Variants in LYG2 observed in about 807,000 individuals in gnomAD.
LYG2 encodes lysozyme g2, also known as lysozyme g-like protein 2.
LYG2 carries 25 observed loss-of-function variants against 22.4 expected under a neutral mutation model. The observed-to-expected ratio is 1.12, with a 90% CI of 0.81 to 1.56. The LOEUF is 1.56. Ranked by LOEUF, LYG2 falls within the 40% of genes most tolerant of loss-of-function variation. The pLI, the probability that LYG2 is intolerant of heterozygous loss-of-function variation, is 0.00. For missense variants in LYG2, 266 were observed against 269.5 expected (o/e 0.99, Z 0.09); for synonymous variants, 88 against 97.0 (o/e 0.91, Z 0.55).
intron 3 of LYG2, among the ~76,000 whole-genome samples, chr2:99,253,968 G>C (rs1030215415): frequency 6.6e-6 from 1 of 152,116 alleles, no homozygotes; most frequent in Non-Finnish European, 1.5e-5. Flanking sequence ...TAGGTGCATT[G>C]TCAGACAGGA....
intron 3 of LYG2, among the ~76,000 whole-genome samples, chr2:99,250,769 G>C (rs1295802784): frequency 6.6e-6 from 1 of 152,222 alleles, no homozygotes; most frequent in Non-Finnish European, 1.5e-5. Context: ...ACACATTGCT[G>C]TGGAACACAG....
chr2:99,253,728 T>C (rs987250515), intron 3 of LYG2, among the ~76,000 whole-genome samples: 20 of 152,178 alleles, frequency 1.3e-4, no homozygotes, highest in African/African-American at 4.3e-4. Context: ...CTTTTTCTTA[T>C]TAAATCACCA....
intron 3 of LYG2, among the ~76,000 whole-genome samples, chr2:99,248,175 G>A (rs868827667): frequency 0.023 from 3,476 of 152,112 alleles, 77 homozygotes; most frequent in African/African-American, 0.068. Context: ...TCAGTGTGGC[G>A]ATTCCTCAGG....
chr2:99,247,183 C>A (rs182890080), intron 3 of LYG2, among the ~76,000 whole-genome samples: 50 of 152,174 alleles, frequency 3.3e-4, no homozygotes, highest in Admixed American at 1.3e-3. Flanking sequence ...GGCACCAACA[C>A]CTGGGCTCAA....
In LYG2 at chr2:99,245,299, C is replaced by A; in HGVS notation, c.344G>T (p.Gly115Val). ...ESHGGSVLQD[G>V]WDHRGLKFGL... ...AAATTTAAGTCCCCTGTGGTCCCAG[C>A]CGTCTTGCAGGACAGATCCGCCATG... Residue 115 changes from glycine (G) to valine (V), a missense_variant, in exon 5 of 7, where the codon GGC (glycine) becomes GTC (valine). By Grantham distance (109) the Gly-to-Val change is moderately radical. Coordinates refer to ENST00000333017, the MANE Select transcript of LYG2 (RefSeq NM_175735.4). The A allele has an allele frequency of 1.2e-6, 2 of 1,609,044 alleles. No homozygotes were observed. Among genetic ancestry groups the A allele is most frequent in the Non-Finnish European group, 1.7e-6 (2 of 1,177,492 alleles).
In LYG2 at chr2:99,244,090, C is replaced by T. The variant is rs150761691; in HGVS notation, c.429G>A (p.Glu143=). 463 of 1,613,990 alleles carry T rather than the reference C, an allele frequency of 2.9e-4. 1 individual carries two copies. Among genetic ancestry groups the T allele is most frequent in the Admixed American group, 1.2e-3 (71 of 60,000 alleles). ...GAATCCCAGTAGCCTGTGAAAGGTG[C>T]TCTTTGCTATCCCAGGCACCGACAG... The part of the protein sequence containing the change: ...YHPVGAWDSK[E]HLSQATGILT... Residue 143 remains glutamate (E), a synonymous_variant, in exon 6 of 7, where the codon GAG becomes GAA. Coordinates refer to ENST00000333017, the MANE Select transcript of LYG2 (RefSeq NM_175735.4).
chr2:99,260,570 T>A (rs1053532200), upstream of LYG2, among the ~76,000 whole-genome samples: 4 of 152,178 alleles, frequency 2.6e-5, no homozygotes, highest in Non-Finnish European at 5.9e-5. Context: ...ATACCTGTGA[T>A]GGAGAGAAGA....
chr2:99,249,264 A>G (rs1053096606), intron 3 of LYG2, among the ~76,000 whole-genome samples: 1 of 152,132 alleles, frequency 6.6e-6, no homozygotes, highest in Non-Finnish European at 1.5e-5. Flanking sequence ...TACAAAAAAT[A>G]CAAAAATTAG....
At chr2:99,246,594 C>T in intron 4 of LYG2, 86 bp downstream of exon 4, 1 of 1,475,608 alleles carries the variant, frequency 6.8e-7, no homozygotes, top group African/African-American at 1.4e-5. Flanking sequence ...GATGATTATA[C>T]CTTTTCAAAA....
intron 3 of LYG2, among the ~76,000 whole-genome samples, chr2:99,248,940 C>G (rs2094021699): frequency 6.6e-6 from 1 of 152,006 alleles, no homozygotes; most frequent in African/African-American, 2.4e-5. Context: ...TAATTTAAGT[C>G]AAATCTATTC....
intron 3 of LYG2, among the ~76,000 whole-genome samples, chr2:99,251,754 T>C (rs192354219): frequency 0.014 from 2,120 of 152,198 alleles, 56 homozygotes; most frequent in African/African-American, 0.048. Flanking sequence ...GCTGATTGCC[T>C]GCCTGGGGCA....
intron 6 of LYG2, chr2:99,243,540 A>AGATAGAT (rs397949807): frequency 4.9e-5 from 72 of 1,460,658 alleles, no homozygotes; most frequent in East Asian, 7.5e-5. Flanking sequence ...ATAGATAGAT[A>AGATAGAT]AATTTTTTTT....
At chr2:99,254,812 T>C (rs1326677493) in intron 2 of LYG2, among the ~76,000 whole-genome samples, 1 of 152,044 alleles carries the variant, frequency 6.6e-6, no homozygotes, top group Non-Finnish European at 1.5e-5. Context: ...TGGGGCGACA[T>C]ATGCGTGCCA....
chr2:99,244,117 G>A lies in LYG2; in HGVS notation c.402C>T (p.His134=), dbSNP rs1456528897. The change falls in exon 6 of 7, where the codon CAC becomes CAT. Residue 134 remains histidine, a synonymous_variant. Coordinates refer to ENST00000333017, the MANE Select transcript of LYG2 (RefSeq NM_175735.4). ...CTTTGCTATCCCAGGCACCGACAGG[G>A]TGGTACGTTTGTTTATCAAGCTAGA... ...GLMQLDKQTY[H]PVGAWDSKEH... is the part of the protein sequence containing the mutation. The A allele has an allele frequency of 3.7e-6, 6 of 1,613,452 alleles. No individual in the cohort carries two copies. The Admixed American group carries it at 8.3e-5, about 22-fold the overall frequency.
At chr2:99,255,703 G>T (rs186606854), upstream of LYG2, among the ~76,000 whole-genome samples, 424 of 152,236 alleles carry the variant, frequency 2.8e-3, 2 homozygotes, top group African/African-American at 9.6e-3. Flanking sequence ...ACATGATCAT[G>T]ATAGGTGAAC....
At chr2:99,253,016 T>C (rs577927467) in intron 3 of LYG2, among the ~76,000 whole-genome samples, 1 of 122,284 alleles carries the variant, frequency 8.2e-6, no homozygotes, top group Non-Finnish European at 1.6e-5. Flanking sequence ...CACTGCACTC[T>C]CCAGCCTGGG....
chr2:99,250,541 A>AT (rs1207786028), intron 3 of LYG2, among the ~76,000 whole-genome samples: 4 of 151,982 alleles, frequency 2.6e-5, no homozygotes, highest in East Asian at 3.9e-4. Flanking sequence ...CACCCGGCTA[A>AT]TTTTTTGTAT....
intron 3 of LYG2, among the ~76,000 whole-genome samples, chr2:99,249,581 G>A (rs925413686): frequency 6.6e-6 from 1 of 151,748 alleles, no homozygotes; most frequent in African/African-American, 2.4e-5. Flanking sequence ...TGACCAACAC[G>A]GAGAAACCCA....
At chr2:99,248,447 T>C (rs1174052084) in intron 3 of LYG2, among the ~76,000 whole-genome samples, 9 of 151,748 alleles carry the variant, frequency 5.9e-5, no homozygotes, top group Non-Finnish European at 1.3e-4. Context: ...ATGGATGAAA[T>C]TGGAAATCAT....
Sources: allele counts gnomAD v4.1 joint callset (sites outside exome capture counted in the v4.1 genomes callset), GRCh38; gene constraint gnomAD v4.1.1; transcripts MANE v1.5; gene names NCBI Gene and HGNC (gene_info 2026-07-23, HGNC 2026-07-21).